OXNAD1: variants seen among roughly 807,000 people sequenced by gnomAD.
OXNAD1 encodes oxidoreductase NAD binding domain containing 1.
In OXNAD1, 34 loss-of-function variants were observed where a neutral mutation model predicts 32.9. The observed-to-expected ratio is 1.03, with a 90% CI of 0.79 to 1.38. The LOEUF (loss-of-function observed/expected upper bound fraction) is 1.38. Ranked by LOEUF, OXNAD1 falls within the 40% of genes most tolerant of loss-of-function variation. The probability of loss-of-function intolerance (pLI) is 0.00; values close to 1 mark genes in which losing one functional copy is unlikely to be tolerated. For synonymous variants in OXNAD1, 134 were observed against 135.2 expected (o/e 0.99, Z 0.06); for missense variants, 407 against 379.4 (o/e 1.07, Z -0.60).
chr3:16,339,247 G>A (rs1315174618), downstream of OXNAD1: 3 of 152,262 alleles, frequency 2.0e-5, no homozygotes, highest in Non-Finnish European at 2.9e-5. Context: ...TGACTCAACT[G>A]TCAGTATCAT....
At chr3:16,274,524 T>C (rs1354618977) in intron 4 of OXNAD1, among the ~76,000 whole-genome samples, 2 of 152,248 alleles carry the variant, frequency 1.3e-5, no homozygotes, top group African/African-American at 4.8e-5. Context: ...CAATAGTTAA[T>C]GTCAAATTCT....
chr3:16,297,850 A>G lies in OXNAD1; in HGVS notation c.432+2853A>G, dbSNP rs2066907670. On this transcript the variant is annotated intron_variant, in intron 6 of 8. Coordinates refer to ENST00000285083, the MANE Select transcript of OXNAD1 (RefSeq NM_138381.5). This position sits in a 1 kb window ranked among gnomAD's most constrained non-coding sequence, Gnocchi z 4.3. The stretch of plus-strand genomic sequence containing the variant: ...ACTGTAAAGGTAGGATCGATAGCAC[A>G]GGGGAATATTTTCAGGGGGTGATGG... Among the ~76,000 whole-genome samples the G allele has an allele frequency of 6.6e-6, 1 of 152,210 alleles. No individual in the cohort carries two copies. Among genetic ancestry groups the G allele is most frequent in the Admixed American group, 6.5e-5 (1 of 15,282 alleles).
chr3:16,307,599 A>G (rs896687926), downstream of OXNAD1, among the ~76,000 whole-genome samples: 2 of 152,204 alleles, frequency 1.3e-5, no homozygotes, highest in South Asian at 2.1e-4. Flanking sequence ...TTGAGAGGAA[A>G]TCAATTATAA....
At position 16,311,611 on chromosome 3, in the gene OXNAD1, C is replaced by A. The variant is rs566136979; in HGVS notation, c.*30+8019C>A. ...AAGGACAGGGTTGGTAGCTTCAATACCTCCCTCATTCCCCAATCATTTGCA... is the reference window on the plus strand; with the variant it reads ...AAGGACAGGGTTGGTAGCTTCAATAACTCCCTCATTCCCCAATCATTTGCA... On this transcript the variant is annotated intron_variant, in intron 9 of 9. Coordinates refer to the OXNAD1 transcript ENST00000435829. 5.3e-5 allele frequency among the ~76,000 whole-genome samples: 8 copies of A among 152,132 alleles called. No individual in the cohort carries two copies. The East Asian group carries it at 1.2e-3, about 22-fold the overall frequency.
downstream of OXNAD1, among the ~76,000 whole-genome samples, chr3:16,340,492 GA>G (rs2071249137): frequency 6.6e-6 from 1 of 152,230 alleles, no homozygotes; most frequent in African/African-American, 2.4e-5. Context: ...CCCTATGGCT[GA>G]AAAATTGATC....
intron 9 of OXNAD1, among the ~76,000 whole-genome samples, chr3:16,324,106 T>G (rs9815339): frequency 0.3 from 41,372 of 136,636 alleles, 6,902 homozygotes; most frequent in African/African-American, 0.5. Context: ...AAGATCACTG[T>G]TTTTTTTTTC....
intron 4 of OXNAD1, among the ~76,000 whole-genome samples, chr3:16,283,698 C>T (rs990721170): frequency 1.3e-5 from 2 of 151,996 alleles, no homozygotes; most frequent in Non-Finnish European, 2.9e-5. Context: ...GGGCCTCAAC[C>T]TGGAGTGGTA....
rs1472986742 is a variant in OXNAD1 at position 16,335,235 on chromosome 3, A to G, written c.*31-1877A>G. 6.6e-6 allele frequency among the ~76,000 whole-genome samples: 1 copy of G among 152,220 alleles called. No individual in the cohort carries two copies. The highest frequency in any genetic ancestry group is 6.5e-5 in the Admixed American group (1 of 15,282). ...GATAAACACTTGGAGGTGCTGACAG[A>G]TGCAGGGTAGGTGAAAACTCCTGGA... On this transcript the variant is annotated intron_variant, in intron 9 of 9. Coordinates refer to the OXNAD1 transcript ENST00000435829. This position sits in a 1 kb window ranked among gnomAD's most constrained non-coding sequence, Gnocchi z 4.7.
At position 16,271,718 on chromosome 3, in the gene OXNAD1, G is replaced by A. The variant is rs147468390; in HGVS notation, c.179G>A (p.Arg60Gln). 8.7e-6 allele frequency: 14 copies of A among 1,606,978 alleles called. No homozygotes were observed. The highest frequency in any genetic ancestry group is 3.5e-5 in the Admixed American group (2 of 57,946). Residue 60 changes from arginine (R) to glutamine (Q), a missense_variant, in exon 4 of 9, where the codon CGG becomes CAG. Coordinates refer to ENST00000285083, the MANE Select transcript of OXNAD1 (RefSeq NM_138381.5). The surrounding 1 kb of genome is among the most constrained non-coding windows in gnomAD (Gnocchi z 4.6). Reference sequence around the variant, plus strand: ...GAGAGAACTGCAAGTGTCCTTCGACGGGAGGTTTGTATCTTTGGGGTATGA... The same window carrying A: ...GAGAGAACTGCAAGTGTCCTTCGACAGGAGGTTTGTATCTTTGGGGTATGA... ...HMERTASVLR[R>Q]EIVSAAKVCG...
In OXNAD1 at chr3:16,329,887, CG is replaced by C. The variant is rs2070132372; in HGVS notation, c.*31-7222del. ...AGTCCTTTTATTGGTGGCTGCATCTCGGGCCAGGTTTTCTCTGCGGGCACCC... is the reference window on the plus strand; with the variant it reads ...AGTCCTTTTATTGGTGGCTGCATCTCGGCCAGGTTTTCTCTGCGGGCACCC... On this transcript the variant is annotated intron_variant, in intron 9 of 9. Transcript: ENST00000435829. The surrounding 1 kb of genome is among the most constrained non-coding windows in gnomAD (Gnocchi z 4.5). Among the ~76,000 whole-genome samples, 1 of 152,110 alleles carries C rather than the reference CG, an allele frequency of 6.6e-6. No individual in the cohort carries two copies. Among genetic ancestry groups the C allele is most frequent in the Non-Finnish European group, 1.5e-5 (1 of 68,022 alleles).
rs890017330 is a variant in OXNAD1, at chr3:16,302,411, G to C, written c.676-229G>C. 6.6e-6 allele frequency among the ~76,000 whole-genome samples: 1 copy of C among 152,140 alleles called. No individual in the cohort carries two copies. Among genetic ancestry groups the C allele is most frequent in the East Asian group, 1.9e-4 (1 of 5,200 alleles). On this transcript the variant is annotated intron_variant, in intron 7 of 8. Transcript: ENST00000285083. The surrounding 1 kb of genome is among the most constrained non-coding windows in gnomAD (Gnocchi z 4.2). ...GAAAAAGGAAAAAGAAAAAACTCCC[G>C]GAGAGTTGGTAATATGCTTGTTAGC...
At position 16,317,976 on chromosome 3, in the gene OXNAD1, A is replaced by G. The variant is rs2068607731; in HGVS notation, c.*30+14384A>G. ...CCCTCTGCCCGCTACTGTACCGACA[A>G]GTGTTCTAAGGTAACTCCCTCTAAA... On this transcript the variant is annotated intron_variant, in intron 9 of 9. Transcript: ENST00000435829. This position sits in a 1 kb window ranked among gnomAD's most constrained non-coding sequence, Gnocchi z 4.3. 1.3e-5 allele frequency among the ~76,000 whole-genome samples: 2 copies of G among 152,280 alleles called. No homozygotes were observed. The highest frequency in any genetic ancestry group is 4.1e-4 in the South Asian group (2 of 4,822).
At chr3:16,306,833 C>T (rs759075403), downstream of OXNAD1, among the ~76,000 whole-genome samples, 3 of 152,182 alleles carry the variant, frequency 2.0e-5, no homozygotes, top group Non-Finnish European at 4.4e-5. Flanking sequence ...TCACATGAGG[C>T]ATATAATGTC....
chr3:16,347,312 T>C (rs1410934581), intron 9 of OXNAD1, among the ~76,000 whole-genome samples: 1 of 152,262 alleles, frequency 6.6e-6, no homozygotes, highest in East Asian at 1.9e-4. Context: ...GGGGGGGCTA[T>C]AACAAATGAC....
chr3:16,326,942 GA>G (rs2069763967), intron 9 of OXNAD1: 4 of 1,232,182 alleles, frequency 3.2e-6, no homozygotes, highest in Non-Finnish European at 4.7e-6. Context: ...AATGAGAGGG[GA>G]CTATTCAGTC....
Position 16,298,139 on chromosome 3 carries a change from C to T in OXNAD1, c.432+3142C>T, listed in dbSNP as rs2066929572. 6.6e-6 allele frequency among the ~76,000 whole-genome samples: 1 copy of T among 152,166 alleles called. No homozygotes were observed. The highest frequency in any genetic ancestry group is 1.5e-5 in the Non-Finnish European group (1 of 68,034). On this transcript the variant is annotated intron_variant, in intron 6 of 8. Transcript: ENST00000285083. This position sits in a 1 kb window ranked among gnomAD's most constrained non-coding sequence, Gnocchi z 5.1. The stretch of plus-strand genomic sequence containing the variant: ...TTTTACCCTGCAACCTTCTGAGTCT[C>T]TCCGTCAGTGTGGCCTCAGCTGCCT...
intron 4 of OXNAD1, chr3:16,272,092 T>G: frequency 4.5e-6 from 1 of 219,792 alleles, no homozygotes; most frequent in Non-Finnish European, 9.3e-6. Flanking sequence ...TGTGGGGTCT[T>G]TTTTTTTTTT....
chr3:16,278,048 A>G (rs963954833), intron 4 of OXNAD1, among the ~76,000 whole-genome samples: 1 of 152,218 alleles, frequency 6.6e-6, no homozygotes, highest in African/African-American at 2.4e-5. Flanking sequence ...CTACTGAGCA[A>G]TATATGCTCT....
Position 16,323,246 on chromosome 3 carries a change from G to C in OXNAD1, c.*31-13866G>C, listed in dbSNP as rs906037615. On this transcript the variant is annotated intron_variant, in intron 9 of 9. Coordinates refer to the OXNAD1 transcript ENST00000435829. ...TGAGATGTGATTCGGGTTGCCAGGG[G>C]CTCAGGTGTTCCTTGGGCTCTGCGA... is the stretch of plus-strand genomic sequence containing the variant. The C allele has an allele frequency of 6.8e-5, 45 of 661,210 alleles. No individual in the cohort carries two copies. In the South Asian group the frequency reaches 8.7e-4, roughly 13 times the overall value. 41.0% of individuals were successfully genotyped at this position (661,210 alleles called of 1,614,324 possible). A position where few individuals can be genotyped will look rare whatever the true frequency, so the allele number is the denominator to read the frequency against.
Sources: gnomAD v4.1 joint callset for allele counts (sites outside exome capture counted in the v4.1 genomes callset) on GRCh38, gnomAD v4.1.1 for gene constraint, Gnocchi (gnomAD v3.1) non-coding constraint, MANE v1.5 for transcripts, NCBI Gene and HGNC (gene_info 2026-07-23, HGNC 2026-07-21) for gene names.